The following PPP1R37 variants were observed in gnomAD, a reference collection of about 807,000 sequenced individuals.
PPP1R37 encodes the protein leucine rich repeat containing 68.
In PPP1R37, 21 loss-of-function variants were observed where a neutral mutation model predicts 61.0. That is an observed-to-expected ratio of 0.34 (90% confidence interval 0.24 to 0.50). The LOEUF is 0.50. Ranked by LOEUF, PPP1R37 falls within the 20% of genes least tolerant of loss-of-function variation. The pLI, the probability that PPP1R37 is intolerant of heterozygous loss-of-function variation, is 0.98. For synonymous variants in PPP1R37, 443 were observed against 433.5 expected (o/e 1.02, Z -0.27); for missense variants, 910 against 952.7 (o/e 0.96, Z 0.59).
intron 1 of PPP1R37, among the ~76,000 whole-genome samples, chr19:45,102,700 A>G (rs550981371): frequency 6.6e-6 from 1 of 152,186 alleles, no homozygotes; most frequent in Admixed American, 6.5e-5. Context: ...TCCCTGGACC[A>G]CTTTCCCCAT....
intron 1 of PPP1R37, among the ~76,000 whole-genome samples, chr19:45,112,449 C>T (rs1169409658): frequency 8.5e-5 from 13 of 152,234 alleles, no homozygotes; most frequent in Non-Finnish European, 1.5e-4. Context: ...GCTCTCGCCA[C>T]CTTTTACCTG....
At chr19:45,094,529 C>T (rs937787539) in intron 1 of PPP1R37, among the ~76,000 whole-genome samples, 2 of 150,844 alleles carry the variant, frequency 1.3e-5, no homozygotes, top group Non-Finnish European at 3.0e-5. Flanking sequence ...GAGTTTAAAA[C>T]CAGCCTGGCC....
chr19:45,121,756 G>T lies in PPP1R37; in HGVS notation c.203-16758G>T, dbSNP rs1035480913. Among the ~76,000 whole-genome samples the T allele has an allele frequency of 1.3e-5, 2 of 152,212 alleles. No individual in the cohort carries two copies. The highest frequency in any genetic ancestry group is 2.9e-5 in the Non-Finnish European group (2 of 68,034). ...TCATTCTGTGGTTGCTCCAGGATTG[G>T]ACTTAGAAATCTGGGTTTGACTACA... On this transcript the variant is annotated intron_variant, in intron 1 of 12. Coordinates refer to ENST00000221462, the MANE Select transcript of PPP1R37 (RefSeq NM_019121.2). This position sits in a 1 kb window ranked among gnomAD's most constrained non-coding sequence, Gnocchi z 4.2.
chr19:45,139,990 TTCGCCCAG>T (rs1968589009), intron 2 of PPP1R37, among the ~76,000 whole-genome samples: 1 of 152,100 alleles, frequency 6.6e-6, no homozygotes, highest in Non-Finnish European at 1.5e-5. Flanking sequence ...GGCAGAGGGC[TTCGCCCAG>T]GCCTGCCTGG....
In PPP1R37 at chr19:45,146,572, TCC is replaced by T; in HGVS notation, c.*12_*13del. 1.1e-6 allele frequency: 1 copy of T among 933,100 alleles called. No homozygotes were observed. Among genetic ancestry groups the T allele is most frequent in the African/African-American group, 1.7e-5 (1 of 60,324 alleles). The allele number at this position is 933,100 out of a possible 1,614,324, so 57.8% of individuals were successfully genotyped here. ...CTCCCCCAATCTCTCCTCCCCAAGT[TCC>T]CTTTTTCCGGTCGGTCTGCGATGAG... On this transcript the variant is annotated splice_region_variant and 3_prime_UTR_variant, in exon 13 of 13. Coordinates refer to ENST00000221462, the MANE Select transcript of PPP1R37 (RefSeq NM_019121.2).
At chr19:45,146,235 T>G in intron 11 of PPP1R37, 155 bp from the exon 12 acceptor site, 1 of 871,872 alleles carries the variant, frequency 1.1e-6, no homozygotes, top group Non-Finnish European at 1.7e-6. Flanking sequence ...CTTCCTGGGG[T>G]GGGGGGGCAT....
At chr19:45,109,237 G>A (rs746636186) in intron 1 of PPP1R37, among the ~76,000 whole-genome samples, 1 of 152,210 alleles carries the variant, frequency 6.6e-6, no homozygotes, top group East Asian at 1.9e-4. Context: ...TGCAGGAAAG[G>A]TGGGGGACAG....
intron 1 of PPP1R37, among the ~76,000 whole-genome samples, chr19:45,114,560 G>T (rs1157809238): frequency 6.6e-6 from 1 of 152,232 alleles, no homozygotes; most frequent in Non-Finnish European, 1.5e-5. Flanking sequence ...TTTTAGAGGA[G>T]GCTCTGCAGA....
intron 8 of PPP1R37, 155 bp downstream of exon 8, chr19:45,143,788 A>G: frequency 1.9e-6 from 1 of 529,102 alleles, no homozygotes; most frequent in Non-Finnish European, 3.4e-6. Flanking sequence ...TTCCTCATTC[A>G]GCTTCTGTGC....
intron 1 of PPP1R37, among the ~76,000 whole-genome samples, chr19:45,111,974 T>G (rs1462602693): frequency 1.3e-5 from 2 of 149,714 alleles, no homozygotes; most frequent in Non-Finnish European, 3.0e-5. Flanking sequence ...TTTTCTTTCT[T>G]TTTTTTTTTC....
intron 1 of PPP1R37, among the ~76,000 whole-genome samples, chr19:45,105,284 G>A (rs1599690863): frequency 1.3e-5 from 2 of 152,110 alleles, no homozygotes; most frequent in Non-Finnish European, 2.9e-5. Context: ...GTATCCCCCC[G>A]CCAGCCTGGT....
At chr19:45,140,436 G>T (rs1216133329) in intron 3 of PPP1R37, 70 bp from the exon 4 acceptor site, 22 of 1,304,996 alleles carry the variant, frequency 1.7e-5, no homozygotes, top group Non-Finnish European at 1.1e-6. Context: ...GAGGTTGGGG[G>T]CAGAGGGCCC....
intron 7 of PPP1R37, 119 bp from the exon 8 acceptor site, chr19:45,143,402 C>A: frequency 1.6e-6 from 1 of 622,068 alleles, no homozygotes; most frequent in Non-Finnish European, 2.8e-6. Flanking sequence ...CAGGGCAAGG[C>A]CTGGGACTGC....
At chr19:45,113,173 T>C (rs1968223213) in intron 1 of PPP1R37, among the ~76,000 whole-genome samples, 2 of 152,238 alleles carry the variant, frequency 1.3e-5, no homozygotes, top group Non-Finnish European at 1.5e-5. Flanking sequence ...GGAGCTCAAG[T>C]GTTGGCATGT....
chr19:45,129,109 G>A (rs1968444997), intron 1 of PPP1R37: 2 of 558,352 alleles, frequency 3.6e-6, no homozygotes, highest in African/African-American at 3.8e-5. Context: ...CCTTCTGTAG[G>A]CTGGACTCTT....
intron 1 of PPP1R37, among the ~76,000 whole-genome samples, chr19:45,129,393 G>C (rs1295747668): frequency 6.6e-6 from 1 of 152,122 alleles, no homozygotes; most frequent in Non-Finnish European, 1.5e-5. Context: ...TCCACCTCTT[G>C]GGTTAAGCAG....
chr19:45,115,590 A>G (rs551696981), intron 1 of PPP1R37, among the ~76,000 whole-genome samples: 16 of 151,512 alleles, frequency 1.1e-4, no homozygotes, highest in Non-Finnish European at 1.8e-4. Context: ...TGAAATGGGG[A>G]TAATAAACCC....
chr19:45,096,712 C>T, intron 1 of PPP1R37, among the ~76,000 whole-genome samples: 1 of 152,018 alleles, frequency 6.6e-6, no homozygotes, highest in Non-Finnish European at 1.5e-5. Flanking sequence ...GGGTAACACT[C>T]TCCAGGCTGG....
At chr19:45,118,297 AC>A (rs1325761309) in intron 1 of PPP1R37, among the ~76,000 whole-genome samples, 1 of 152,002 alleles carries the variant, frequency 6.6e-6, no homozygotes, top group Non-Finnish European at 1.5e-5. Flanking sequence ...GGGGCCTGTG[AC>A]CTGTGTCACA....
Sources: gnomAD v4.1 joint callset for allele counts (sites outside exome capture counted in the v4.1 genomes callset) on GRCh38, gnomAD v4.1.1 for gene constraint, Gnocchi (gnomAD v3.1) non-coding constraint, MANE v1.5 for transcripts, NCBI Gene and HGNC (gene_info 2026-07-23, HGNC 2026-07-21) for gene names.